The following GSK3B variants were observed in gnomAD, a reference collection of about 807,000 sequenced individuals.
GSK3B encodes glycogen synthase kinase-3 beta.
In GSK3B, 15 loss-of-function variants were observed where a neutral mutation model predicts 56.4. The observed-to-expected ratio is 0.27, with a 90% CI of 0.18 to 0.41. The LOEUF is 0.41. Among genes scored for constraint, GSK3B ranks in the 10% least tolerant of loss-of-function variants. The pLI is 1.00. For synonymous variants in GSK3B, 181 were observed against 188.9 expected, an observed-to-expected ratio of 0.96 and a Z score of 0.34; for missense variants, 300 against 513.4, an observed-to-expected ratio of 0.58 and a Z score of 4.02.
intron 7 of GSK3B, among the ~76,000 whole-genome samples, chr3:119,881,511 T>C (rs964051708): frequency 3.3e-5 from 5 of 152,182 alleles, no homozygotes; most frequent in African/African-American, 9.7e-5. Flanking sequence ...AAAATGACAC[T>C]TCAGAAATGC....
At chr3:120,053,396 C>G (rs2058166892) in intron 1 of GSK3B, among the ~76,000 whole-genome samples, 1 of 152,110 alleles carries the variant, frequency 6.6e-6, no homozygotes, top group Non-Finnish European at 1.5e-5. Flanking sequence ...ATCCCCAGAC[C>G]TTCCTTACAA....
intron 1 of GSK3B, among the ~76,000 whole-genome samples, chr3:120,061,978 C>T (rs920208433): frequency 2.6e-5 from 4 of 152,062 alleles, no homozygotes; most frequent in Non-Finnish European, 4.4e-5. Flanking sequence ...GTGATCTGCC[C>T]GCCTTGGCCT....
intron 3 of GSK3B, among the ~76,000 whole-genome samples, chr3:119,924,697 G>A (rs1036711188): frequency 1.3e-5 from 2 of 152,024 alleles, no homozygotes; most frequent in Admixed American, 6.5e-5. Context: ...TAAATTCCAC[G>A]GTCCATCATT....
At chr3:120,064,802 CAT>C (rs2058265963) in intron 1 of GSK3B, among the ~76,000 whole-genome samples, 2 of 152,240 alleles carry the variant, frequency 1.3e-5, no homozygotes, top group South Asian at 4.1e-4. Context: ...TAAAGACAAA[CAT>C]ACAGATCAAG....
Position 119,825,455 on chromosome 3 carries a change from A to T in GSK3B, c.*1333T>A, listed in dbSNP as rs954392403. The T allele has an allele frequency of 1.3e-5, 3 of 228,970 alleles. No homozygotes were observed. The highest frequency in any genetic ancestry group is 2.6e-5 in the Non-Finnish European group (3 of 115,558). 14.2% of individuals were successfully genotyped at this position (228,970 alleles called of 1,614,324 possible). Reference sequence around the variant, plus strand: ...GAAACATTCTTCTCATGCTTCAACCAGTCAATTTTGATACTGTAGACAAAA... The same window carrying T: ...GAAACATTCTTCTCATGCTTCAACCTGTCAATTTTGATACTGTAGACAAAA... On this transcript the variant is annotated 3_prime_UTR_variant, in exon 11 of 11. Coordinates refer to ENST00000264235, the MANE Select transcript of GSK3B (RefSeq NM_001146156.2).
At chr3:120,012,709 G>A (rs977430737) in intron 1 of GSK3B, among the ~76,000 whole-genome samples, 10 of 152,130 alleles carry the variant, frequency 6.6e-5, no homozygotes, top group Non-Finnish European at 7.4e-5. Context: ...AGACAGGGTC[G>A]TCCAGGTTAG....
At chr3:119,911,104 T>C (rs1252058221) in intron 6 of GSK3B, among the ~76,000 whole-genome samples, 1 of 152,202 alleles carries the variant, frequency 6.6e-6, no homozygotes, top group African/African-American at 2.4e-5. Context: ...TAGTGACACC[T>C]AGAATGGTGA....
chr3:120,067,792 A>C (rs2058292514), intron 1 of GSK3B, among the ~76,000 whole-genome samples: 1 of 152,260 alleles, frequency 6.6e-6, no homozygotes, highest in Non-Finnish European at 1.5e-5. Context: ...GATTTCCTCA[A>C]TAAATAAATG....
At chr3:119,895,465 T>C (rs1158618642) in intron 7 of GSK3B, among the ~76,000 whole-genome samples, 4 of 152,190 alleles carry the variant, frequency 2.6e-5, no homozygotes, top group African/African-American at 7.2e-5. Flanking sequence ...GATCATACTG[T>C]AATTTTATTT....
intron 2 of GSK3B, among the ~76,000 whole-genome samples, chr3:119,971,952 C>T (rs868227839): frequency 4.6e-5 from 7 of 152,154 alleles, no homozygotes; most frequent in African/African-American, 1.4e-4. Flanking sequence ...TCCCTAATTT[C>T]TTTAAAAATT....
Position 120,093,783 on chromosome 3 carries a change from A to C in GSK3B, c.-349T>G. ...GAAACGGGGGCAAATACTTGATTGAAAATGAGTACTTCGAATATTATATTT... is the reference window on the plus strand; with the variant it reads ...GAAACGGGGGCAAATACTTGATTGACAATGAGTACTTCGAATATTATATTT... On this transcript the variant is annotated 5_prime_UTR_variant, in exon 1 of 11. Transcript: ENST00000264235. The C allele has an allele frequency of 3.8e-6, 1 of 264,104 alleles. No individual in the cohort carries two copies. Among genetic ancestry groups the C allele is most frequent in the Non-Finnish European group, 7.2e-6 (1 of 138,000 alleles). The allele number at this position is 264,104 out of a possible 1,614,324, so 16.4% of individuals were successfully genotyped here.
chr3:120,035,845 T>C (rs1378860338), intron 1 of GSK3B, among the ~76,000 whole-genome samples: 3 of 152,230 alleles, frequency 2.0e-5, no homozygotes, highest in East Asian at 3.8e-4. Context: ...TGAGTTCAAC[T>C]TTGCTGAACT....
intron 4 of GSK3B, among the ~76,000 whole-genome samples, chr3:119,921,205 TAAAG>T (rs1559837406): frequency 6.6e-6 from 1 of 152,170 alleles, no homozygotes; most frequent in African/African-American, 2.4e-5. Flanking sequence ...TTTTCGTAAA[TAAAG>T]AAAAGGGATC....
At chr3:119,995,669 C>T (rs2057609457) in intron 2 of GSK3B, among the ~76,000 whole-genome samples, 1 of 151,902 alleles carries the variant, frequency 6.6e-6, no homozygotes, top group Non-Finnish European at 1.5e-5. Context: ...CGTGATCCAC[C>T]CGCCTCGGCC....
Position 119,831,397 on chromosome 3 carries a change from A to C in GSK3B, c.1196-4542T>G, listed in dbSNP as rs150709927. On this transcript the variant is annotated intron_variant, in intron 10 of 10. Coordinates refer to ENST00000264235, the MANE Select transcript of GSK3B (RefSeq NM_001146156.2). Reference sequence around the variant, plus strand: ...AGTGGGCCGGGCGCGGTGGCTCATGACTGTAATCCCAGCACTTTGGGAGGC... The same window carrying C: ...AGTGGGCCGGGCGCGGTGGCTCATGCCTGTAATCCCAGCACTTTGGGAGGC... Among the ~76,000 whole-genome samples, 83 of 152,178 alleles carry C rather than the reference A, an allele frequency of 5.5e-4. No individual in the cohort carries two copies. The East Asian group carries it at 0.013, about 24-fold the overall frequency.
chr3:119,978,751 A>G (rs1230424120), intron 2 of GSK3B, among the ~76,000 whole-genome samples: 1 of 151,790 alleles, frequency 6.6e-6, no homozygotes, highest in Non-Finnish European at 1.5e-5. Context: ...AACATCCAAC[A>G]TTGGACACTA....
At chr3:119,918,492 CA>C (rs888565721) in intron 4 of GSK3B, among the ~76,000 whole-genome samples, 30 of 150,466 alleles carry the variant, frequency 2.0e-4, no homozygotes, top group African/African-American at 7.1e-4. Flanking sequence ...AAAAACAAAA[CA>C]AAACAAAAAA....
chr3:119,936,339 T>C (rs529640796), intron 3 of GSK3B, among the ~76,000 whole-genome samples: 97 of 124,742 alleles, frequency 7.8e-4, no homozygotes, highest in Non-Finnish European at 1.2e-3. Flanking sequence ...ATATAAAAAA[T>C]ATATATATAT....
intron 2 of GSK3B, among the ~76,000 whole-genome samples, chr3:119,958,829 G>A (rs1006595727): frequency 1.3e-5 from 2 of 151,190 alleles, no homozygotes; most frequent in Non-Finnish European, 2.9e-5. Flanking sequence ...AGAGTGTTAA[G>A]TTGGAGCTTA....
Sources: allele counts gnomAD v4.1 joint callset (sites outside exome capture counted in the v4.1 genomes callset), GRCh38; gene constraint gnomAD v4.1.1; transcripts MANE v1.5; gene names NCBI Gene and HGNC (gene_info 2026-07-23, HGNC 2026-07-21).